Variants in TERF2 observed in about 807,000 individuals in gnomAD.
TERF2 encodes telomeric repeat binding factor 2.
Under a neutral mutation model 56.1 loss-of-function variants are expected in TERF2, and 16 were observed. That is an observed-to-expected ratio of 0.29 (90% CI 0.19 to 0.43). TERF2 has a LOEUF of 0.43. Ranked by LOEUF, TERF2 falls within the 20% of genes least tolerant of loss-of-function variation. The pLI, the probability that TERF2 is intolerant of heterozygous loss-of-function variation, is 1.00. For missense variants in TERF2, 547 were observed against 712.9 expected (o/e 0.77, Z 2.65); for synonymous variants, 296 against 282.1 (o/e 1.05, Z -0.50).
chr16:69,383,687 G>A (rs2014083839), intron 3 of TERF2, among the ~76,000 whole-genome samples: 1 of 152,112 alleles, frequency 6.6e-6, no homozygotes. Flanking sequence ...TTTTTTAATA[G>A]GGTACCCAAG....
rs2013520329 is a variant in TERF2 at position 69,370,365 on chromosome 16, G to A, written c.840+118C>T. On this transcript the variant is annotated intron_variant, in intron 5 of 9. Transcript: ENST00000254942. ...ATTTTTAAGGCATTTAATTAAGAAA[G>A]CTAGTGCATACAATTCAATGTCTTT... The A allele has an allele frequency of 6.7e-6, 9 of 1,349,166 alleles. No homozygotes were observed. The South Asian group carries it at 1.1e-4, about 17-fold the overall frequency. 83.6% of individuals were successfully genotyped at this position (1,349,166 alleles called of 1,614,324 possible).
At chr16:69,369,726 T>C (rs2013492904) in intron 5 of TERF2, among the ~76,000 whole-genome samples, 4 of 152,228 alleles carry the variant, frequency 2.6e-5, no homozygotes, top group African/African-American at 9.6e-5. Context: ...CTTCCATTCT[T>C]TTATCTCTTT....
chr16:69,384,536 T>C (rs755884955), intron 3 of TERF2, 44 bp downstream of exon 3: 7 of 1,599,542 alleles, frequency 4.4e-6, no homozygotes, highest in East Asian at 2.2e-5. Flanking sequence ...TCAAAGACCC[T>C]TGATTTTTGG....
At chr16:69,357,127 GAT>G (rs2012936045) in intron 9 of TERF2, 71 bp from the exon 10 acceptor site, 3 of 1,490,478 alleles carry the variant, frequency 2.0e-6, no homozygotes, top group Non-Finnish European at 2.7e-6. Context: ...CCAATGTAGT[GAT>G]AAGGTAAACT....
intron 7 of TERF2, among the ~76,000 whole-genome samples, chr16:69,362,421 C>G (rs2013179051): frequency 6.6e-6 from 1 of 152,154 alleles, no homozygotes; most frequent in South Asian, 2.1e-4. Flanking sequence ...GCCTCGAAGG[C>G]GGGGGCCACA....
intron 5 of TERF2, among the ~76,000 whole-genome samples, chr16:69,369,415 C>T (rs1597249250): frequency 6.6e-6 from 1 of 152,140 alleles, no homozygotes; most frequent in African/African-American, 2.4e-5. Flanking sequence ...CTTCCCACTT[C>T]AGCCTCCCAA....
rs1390656193 is a variant in TERF2, at chr16:69,385,663, G to A, written c.309C>T (p.Phe103=). 2 of 1,611,572 alleles carry A rather than the reference G, an allele frequency of 1.2e-6. No homozygotes were observed. The highest frequency in any genetic ancestry group is 8.5e-7 in the Non-Finnish European group (1 of 1,179,544). ...AVNRWVLKFY[F]HEALRAFRGS... is the part of the protein sequence containing the mutation. ...CCCGAAAGGCCCGCAGCGCCTCGTG[G>A]AAGTAGAACTTGAGCACCCAGCGAT... The change falls in exon 1 of 10, where the codon TTC becomes TTT. Residue 103 remains phenylalanine (F), a synonymous_variant. Coordinates refer to ENST00000254942, the MANE Select transcript of TERF2 (RefSeq NM_005652.5).
chr16:69,367,071 G>A lies in TERF2; in HGVS notation c.1076C>T (p.Thr359Ile), dbSNP rs1028515378. Residue 359 changes from threonine (T) to isoleucine (I), a missense_variant, in exon 7 of 10, where the codon ACT (threonine) becomes ATT (isoleucine). Transcript: ENST00000254942. ...GGCTGGTGATGCTGGGAGAGCTTGA[G>A]TAGGAAGAACCAGATCCTTCTGGTC... ...KLDQKDLVLP[T>I]QALPASPALK... is the part of the protein sequence containing the mutation. 6.2e-7 allele frequency: 1 copy of A among 1,614,220 alleles called. No homozygotes were observed. The highest frequency in any genetic ancestry group is 1.1e-5 in the South Asian group (1 of 91,084).
intron 5 of TERF2, among the ~76,000 whole-genome samples, chr16:69,369,998 T>C (rs1046730272): frequency 6.6e-6 from 1 of 152,216 alleles, no homozygotes; most frequent in Non-Finnish European, 1.5e-5. Flanking sequence ...GTGTGTTCCA[T>C]TTGCCTCTGC....
rs1247426534 is a variant in TERF2, at chr16:69,356,957, G to T, written c.1570C>A (p.Arg524=). The T allele has an allele frequency of 1.2e-6, 2 of 1,614,006 alleles. No individual in the cohort carries two copies. The highest frequency in any genetic ancestry group is 1.7e-6 in the Non-Finnish European group (2 of 1,180,012). ...CGATCCTTAATCATCACAGCTGTTC[G>T]GTTAACAAATGGGTAATTTTTAGAA... ...AISKNYPFVN[R]TAVMIKDRWR... is the part of the protein sequence containing the mutation. Residue 524 remains arginine, a synonymous_variant, in exon 10 of 10, where the codon CGA becomes AGA. Transcript: ENST00000254942.
chr16:69,372,179 A>T (rs1338473695), intron 4 of TERF2, 90 bp downstream of exon 4: 21 of 864,650 alleles, frequency 2.4e-5, no homozygotes, highest in Non-Finnish European at 3.6e-5. Flanking sequence ...TATTTAAGTA[A>T]TATTCCTGAC....
intron 3 of TERF2, among the ~76,000 whole-genome samples, chr16:69,374,240 C>T (rs1303232838): frequency 6.6e-6 from 1 of 152,062 alleles, no homozygotes; most frequent in African/African-American, 2.4e-5. Flanking sequence ...TTGTTTAGGA[C>T]ATCTGGTTTG....
At chr16:69,368,810 G>A (rs2013451344) in intron 5 of TERF2, among the ~76,000 whole-genome samples, 2 of 151,994 alleles carry the variant, frequency 1.3e-5, no homozygotes, top group Admixed American at 1.3e-4. Flanking sequence ...CCAAGTAGCT[G>A]GGATTACAGG....
chr16:69,364,688 C>G (rs377281539), intron 7 of TERF2, among the ~76,000 whole-genome samples: 1 of 152,160 alleles, frequency 6.6e-6, no homozygotes, highest in South Asian at 2.1e-4. Flanking sequence ...CCCCAACACA[C>G]TCGACGACCT....
At chr16:69,370,957 G>A (rs1011923137) in intron 4 of TERF2, among the ~76,000 whole-genome samples, 1 of 151,326 alleles carries the variant, frequency 6.6e-6, no homozygotes, top group African/African-American at 2.4e-5. Flanking sequence ...GTATGTGTAT[G>A]AGAAGAATGG....
intron 3 of TERF2, among the ~76,000 whole-genome samples, chr16:69,382,927 A>C (rs760186500): frequency 1.3e-5 from 2 of 152,234 alleles, no homozygotes; most frequent in Non-Finnish European, 2.9e-5. Flanking sequence ...AACAATAAGC[A>C]TAAGATCTAG....
chr16:69,377,269 C>T (rs1437054599), intron 3 of TERF2, among the ~76,000 whole-genome samples: 1 of 151,740 alleles, frequency 6.6e-6, no homozygotes, highest in Admixed American at 6.6e-5. Flanking sequence ...TATAGATCAA[C>T]GGGAGCTAAG....
At chr16:69,379,078 A>C (rs2013901776) in intron 3 of TERF2, among the ~76,000 whole-genome samples, 1 of 152,192 alleles carries the variant, frequency 6.6e-6, no homozygotes, top group Non-Finnish European at 1.5e-5. Flanking sequence ...TGGTCTCTGG[A>C]TAAGTTAAAT....
chr16:69,383,097 C>G (rs1253229469), intron 3 of TERF2, among the ~76,000 whole-genome samples: 1 of 152,126 alleles, frequency 6.6e-6, no homozygotes, highest in Non-Finnish European at 1.5e-5. Context: ...AAGATGAAAG[C>G]CCACAAAGAC....
Sources: allele counts gnomAD v4.1 joint callset (sites outside exome capture counted in the v4.1 genomes callset), GRCh38; gene constraint gnomAD v4.1.1; transcripts MANE v1.5; gene names NCBI Gene and HGNC (gene_info 2026-07-23, HGNC 2026-07-21).